NALCN: variants seen among roughly 807,000 people sequenced by gnomAD.
NALCN encodes sodium leak channel, non-selective.
NALCN carries 111 observed loss-of-function variants against 225.3 expected under a neutral mutation model. The ratio of observed to expected loss-of-function variants is 0.49; its 90% CI spans 0.42 to 0.58. NALCN has a LOEUF of 0.58. NALCN is among the 20% of genes least tolerant of loss of function. NALCN has a pLI of 0.00. For missense variants in NALCN, 1,378 were observed against 2,202.4 expected (o/e 0.63, Z 7.49); for synonymous variants, 764 against 769.0 (o/e 0.99, Z 0.11).
Position 101,356,706 on chromosome 13 carries a change from C to T in NALCN, c.645-11286G>A, listed in dbSNP as rs538651727. 7.9e-4 allele frequency among the ~76,000 whole-genome samples: 121 copies of T among 152,210 alleles called. 1 individual carries two copies. Among genetic ancestry groups the T allele is most frequent in the African/African-American group, 2.8e-3 (115 of 41,526 alleles). ...TTATGAGGTCAGCATCATCCCGATA[C>T]GAAAACCTGGCAGAGACACAACAAC... On this transcript the variant is annotated intron_variant, in intron 6 of 43. Coordinates refer to ENST00000251127, the MANE Select transcript of NALCN (RefSeq NM_052867.4).
intron 3 of NALCN, among the ~76,000 whole-genome samples, chr13:101,394,141 T>C (rs1162257965): frequency 6.6e-6 from 1 of 152,206 alleles, no homozygotes; most frequent in Admixed American, 6.5e-5. Flanking sequence ...TGTTGATGTG[T>C]AGTTACAGGG....
chr13:101,372,858 G>A (rs540107605), intron 6 of NALCN, among the ~76,000 whole-genome samples: 34 of 152,040 alleles, frequency 2.2e-4, no homozygotes, highest in African/African-American at 7.7e-4. Context: ...ATGAAAAACA[G>A]ACTAACAATA....
chr13:101,153,826 T>A (rs2037772721), intron 15 of NALCN, among the ~76,000 whole-genome samples: 1 of 152,230 alleles, frequency 6.6e-6, no homozygotes. Context: ...TATGTCCCTC[T>A]GGTCCTTAAA....
chr13:101,151,019 A>C (rs902049597), intron 15 of NALCN, among the ~76,000 whole-genome samples: 2 of 152,186 alleles, frequency 1.3e-5, no homozygotes, highest in Non-Finnish European at 2.9e-5. Context: ...GCTTTGTCAC[A>C]CATTCACATG....
intron 10 of NALCN, among the ~76,000 whole-genome samples, chr13:101,282,381 A>T (rs552648000): frequency 6.6e-6 from 1 of 152,346 alleles, no homozygotes; most frequent in East Asian, 1.9e-4. Flanking sequence ...GGAGGACGTT[A>T]TGCTAAGTGA....
At chr13:101,400,956 TGAA>T (rs2047460645) in intron 1 of NALCN, among the ~76,000 whole-genome samples, 1 of 152,192 alleles carries the variant, frequency 6.6e-6, no homozygotes, top group Non-Finnish European at 1.5e-5. Context: ...TGCCGCCTTG[TGAA>T]GAAGGTGTCT....
chr13:101,351,113 AAATG>A (rs960703654), intron 6 of NALCN, among the ~76,000 whole-genome samples: 5 of 152,148 alleles, frequency 3.3e-5, no homozygotes, highest in East Asian at 1.9e-4. Flanking sequence ...TTTTCTGAAT[AAATG>A]AATGAATGAA....
chr13:101,351,709 C>A (rs1219053248), intron 6 of NALCN, among the ~76,000 whole-genome samples: 1 of 152,086 alleles, frequency 6.6e-6, no homozygotes, highest in Non-Finnish European at 1.5e-5. Flanking sequence ...AAAAACAATT[C>A]CCAGAAGGAC....
chr13:101,084,871 A>G (rs1004191548), intron 30 of NALCN, among the ~76,000 whole-genome samples: 54 of 152,298 alleles, frequency 3.5e-4, no homozygotes, highest in African/African-American at 1.3e-3. Context: ...CATTTACCAG[A>G]TGTTGCCAAC....
At chr13:101,413,777 T>C (rs2047854171) in intron 1 of NALCN, among the ~76,000 whole-genome samples, 2 of 152,226 alleles carry the variant, frequency 1.3e-5, no homozygotes, top group South Asian at 4.1e-4. Flanking sequence ...AGCATTTGCA[T>C]AGAGTTTGAA....
chr13:101,058,101 C>T lies in NALCN; in HGVS notation c.4906-45G>A, dbSNP rs373568484. 11 of 1,511,148 alleles carry T rather than the reference C, an allele frequency of 7.3e-6. No homozygotes were observed. The East Asian group carries it at 9.0e-5, about 12-fold the overall frequency. 93.6% of individuals were successfully genotyped at this position (1,511,148 alleles called of 1,614,324 possible). The stretch of plus-strand genomic sequence containing the variant: ...CACAGTTACCGTCTTTTTAACCCTG[C>T]GCTCTCCTCCTTTTACTATAAGAAA... On this transcript the variant is annotated intron_variant, in intron 42 of 43. Transcript: ENST00000251127.
chr13:101,055,107 A>G lies in NALCN; in HGVS notation c.*188T>C, dbSNP rs541596114. 1.2e-4 allele frequency: 71 copies of G among 575,674 alleles called. No individual in the cohort carries two copies. The highest frequency in any genetic ancestry group is 1.8e-4 in the Non-Finnish European group (61 of 331,582). 35.7% of individuals were successfully genotyped at this position (575,674 alleles called of 1,614,324 possible). On this transcript the variant is annotated 3_prime_UTR_variant, in exon 44 of 44. Transcript: ENST00000251127. ...CATTATACAAAAATTTTTTTGAGCAATGATTGATAGTAACCCATCATACAT... is the reference window on the plus strand; with the variant it reads ...CATTATACAAAAATTTTTTTGAGCAGTGATTGATAGTAACCCATCATACAT...
At chr13:101,153,719 A>C (rs894584484) in intron 15 of NALCN, among the ~76,000 whole-genome samples, 1 of 152,124 alleles carries the variant, frequency 6.6e-6, no homozygotes, top group African/African-American at 2.4e-5. Flanking sequence ...TCCAAATTTC[A>C]TCTCGTTGAG....
At chr13:101,203,113 C>T (rs1402696823) in intron 13 of NALCN, among the ~76,000 whole-genome samples, 1 of 152,182 alleles carries the variant, frequency 6.6e-6, no homozygotes, top group Non-Finnish European at 1.5e-5. Flanking sequence ...AATAATAAAG[C>T]ATTATATAAA....
chr13:101,317,295 T>C (rs2044586490), intron 7 of NALCN, among the ~76,000 whole-genome samples: 1 of 152,210 alleles, frequency 6.6e-6, no homozygotes. Context: ...GACATAGAGA[T>C]AATTTTATGA....
In NALCN at chr13:101,213,597, GA is replaced by G. The variant is rs924213589; in HGVS notation, c.1626+15795del. ...ATCTACAAAGAACTTAAATTTACAAGAAAAAATCAAACAACTCCTTCAAAAA... is the reference window on the plus strand; with the variant it reads ...ATCTACAAAGAACTTAAATTTACAAGAAAAATCAAACAACTCCTTCAAAAA... On this transcript the variant is annotated intron_variant, in intron 13 of 43. Transcript: ENST00000251127. Among the ~76,000 whole-genome samples the G allele has an allele frequency of 8.6e-5, 13 of 152,014 alleles. 1 individual carries two copies. The highest frequency in any genetic ancestry group is 2.9e-5 in the Non-Finnish European group (2 of 68,000).
chr13:101,103,275 A>G lies in NALCN; in HGVS notation c.2954T>C (p.Leu985Pro), dbSNP rs1007360272. 6.2e-7 allele frequency: 1 copy of G among 1,614,036 alleles called. No homozygotes were observed. Among genetic ancestry groups the G allele is most frequent in the Non-Finnish European group, 8.5e-7 (1 of 1,179,914 alleles). The part of the protein sequence containing the change: ...NVPAESGAQL[L>P]MVLRCLRPLR... ...AGGTCTCAGGCACCGAAGGACCATT[A>G]GAAGCTGAGCTCCCGATTCAGCAGG... The change falls in exon 26 of 44, where the codon CTA (leucine) becomes CCA (proline). Residue 985 changes from leucine (L) to proline (P), a missense_variant. Around this residue, in one of 19 missense-constraint regions of NALCN, gnomAD observed 292 missense variants for 409.5 expected, o/e 0.71. Transcript: ENST00000251127.
Position 101,083,722 on chromosome 13 carries a change from G to A in NALCN, c.3572C>T (p.Pro1191Leu). The A allele has an allele frequency of 6.2e-7, 1 of 1,613,456 alleles. No homozygotes were observed. Among genetic ancestry groups the A allele is most frequent in the Non-Finnish European group, 8.5e-7 (1 of 1,179,526 alleles). The change falls in exon 31 of 44, where the codon CCG becomes CTG. Residue 1191 changes from proline (P) to leucine (L), a missense_variant. Around this residue, in one of 19 missense-constraint regions of NALCN, gnomAD observed 98 missense variants for 156.6 expected, o/e 0.63. Transcript: ENST00000251127. ...AGCATTTTGGGTACCCGGGCGAGGC[G>A]GAAGATGAAGAGGCTGTGCGATCTT... Reference protein sequence around the residue: ...RLKIAQPLHLPPRPDNDGFRA... With the variant: ...RLKIAQPLHLLPRPDNDGFRA...
At chr13:101,403,889 C>T (rs900458076) in intron 1 of NALCN, among the ~76,000 whole-genome samples, 10 of 152,202 alleles carry the variant, frequency 6.6e-5, no homozygotes, top group African/African-American at 1.7e-4. Context: ...ATAACATCTC[C>T]GGGACTCTTC....
Sources: gnomAD v4.1 joint callset for allele counts (sites outside exome capture counted in the v4.1 genomes callset) on GRCh38, gnomAD v4.1.1 for gene constraint, gnomAD v4.1.1 regional missense constraint, MANE v1.5 for transcripts, NCBI Gene and HGNC (gene_info 2026-07-23, HGNC 2026-07-21) for gene names.